TLN2: variants seen among roughly 807,000 people sequenced by gnomAD.
TLN2 encodes talin 2.
Under a neutral mutation model 294.7 loss-of-function variants are expected in TLN2, and 118 were observed. That is an observed-to-expected ratio of 0.40 (90% confidence interval 0.34 to 0.47). The LOEUF is 0.47. TLN2 is among the 20% of genes least tolerant of loss of function. TLN2 has a pLI of 0.84. For synonymous variants in TLN2, 1,431 were observed against 1,304.5 expected (o/e 1.10, Z -2.09); for missense variants, 3,083 against 3,282.2 (o/e 0.94, Z 1.48).
intron 16 of TLN2, among the ~76,000 whole-genome samples, chr15:62,700,334 A>T (rs2058638846): frequency 6.6e-6 from 1 of 152,230 alleles, no homozygotes. Flanking sequence ...CTGCAGGGTC[A>T]TCATTATCAA....
intron 9 of TLN2, among the ~76,000 whole-genome samples, chr15:62,669,185 C>A (rs182800779): frequency 1.3e-5 from 2 of 152,168 alleles, no homozygotes; most frequent in African/African-American, 2.4e-5. Context: ...TCATTTGATA[C>A]ATTTTACAAC....
At chr15:62,546,198 C>G (rs2041985873) in intron 1 of TLN2, among the ~76,000 whole-genome samples, 1 of 152,186 alleles carries the variant, frequency 6.6e-6, no homozygotes, top group Non-Finnish European at 1.5e-5. Flanking sequence ...GGGCTCTTTC[C>G]TGACCTGTTG....
In TLN2 at chr15:62,692,947, T is replaced by C. The variant is rs1595682757; in HGVS notation, c.1215+6T>C. 4 of 1,605,644 alleles carry C rather than the reference T, an allele frequency of 2.5e-6. No homozygotes were observed. The East Asian group carries it at 6.7e-5, about 27-fold the overall frequency. ...TTGACATCATCCTGAAAAAGGTATT[T>C]TGTATTGATGCAAATTGGAAAAGCA... On this transcript the variant is annotated splice_donor_region_variant and intron_variant, in intron 13 of 58. Coordinates refer to ENST00000636159, the MANE Select transcript of TLN2 (RefSeq NM_015059.3).
intron 1 of TLN2, among the ~76,000 whole-genome samples, chr15:62,514,865 T>A (rs185609798): frequency 8.5e-5 from 13 of 152,230 alleles, no homozygotes; most frequent in African/African-American, 3.1e-4. Context: ...AAATGAAAAC[T>A]TTCAACTTTC....
chr15:62,623,502 T>C (rs946952000), intron 3 of TLN2, among the ~76,000 whole-genome samples: 1 of 152,232 alleles, frequency 6.6e-6, no homozygotes. Flanking sequence ...GTTCACTCTG[T>C]GGTTCTTATA....
intron 33 of TLN2, 39 bp downstream of exon 33, chr15:62,748,483 G>T: frequency 6.8e-7 from 1 of 1,476,052 alleles, no homozygotes; most frequent in South Asian, 1.1e-5. Context: ...TTGAGAGAGG[G>T]AGTGTCTGTG....
chr15:62,636,236 TC>T (rs1325975119), intron 3 of TLN2, among the ~76,000 whole-genome samples: 1 of 141,570 alleles, frequency 7.1e-6, no homozygotes, highest in Non-Finnish European at 1.6e-5. Flanking sequence ...AAGTCTAAGA[TC>T]AGGGATACTG....
chr15:62,638,459 G>A, intron 3 of TLN2: 1 of 448,280 alleles, frequency 2.2e-6, no homozygotes, highest in Non-Finnish European at 4.5e-6. Context: ...AGAACTACCT[G>A]GCAATGGGAG....
chr15:62,771,415 A>G (rs1446515488), intron 42 of TLN2, among the ~76,000 whole-genome samples: 1 of 152,210 alleles, frequency 6.6e-6, no homozygotes, highest in Non-Finnish European at 1.5e-5. Context: ...GAAAACTGTA[A>G]TGCTTGCTGG....
chr15:62,431,783 T>C (rs2035024218), intron 1 of TLN2, among the ~76,000 whole-genome samples: 1 of 152,222 alleles, frequency 6.6e-6, no homozygotes, highest in Non-Finnish European at 1.5e-5. Flanking sequence ...AAAGGAAATT[T>C]CTAAAAATGG....
chr15:62,598,442 G>A (rs182822156), intron 2 of TLN2, among the ~76,000 whole-genome samples: 3 of 152,174 alleles, frequency 2.0e-5, no homozygotes, highest in Admixed American at 2.0e-4. Flanking sequence ...TGTGCCTTAT[G>A]GCCAGGAGCT....
chr15:62,794,091 T>C (rs916744177), intron 46 of TLN2, among the ~76,000 whole-genome samples: 2 of 152,042 alleles, frequency 1.3e-5, no homozygotes, highest in African/African-American at 2.4e-5. Flanking sequence ...AAAGGCCTTA[T>C]AGCGGGAGCA....
intron 2 of TLN2, among the ~76,000 whole-genome samples, chr15:62,612,511 A>G (rs1160240333): frequency 2.0e-5 from 3 of 152,112 alleles, no homozygotes; most frequent in African/African-American, 7.2e-5. Flanking sequence ...AAAACACAAC[A>G]CATTGCTGAC....
chr15:62,453,995 G>T (rs2036313828), intron 1 of TLN2, among the ~76,000 whole-genome samples: 1 of 152,132 alleles, frequency 6.6e-6, no homozygotes, highest in South Asian at 2.1e-4. Flanking sequence ...GCCAGTGGCT[G>T]ACCCCTGGCC....
chr15:62,813,927 G>A (rs976023285), intron 52 of TLN2, among the ~76,000 whole-genome samples: 4 of 151,752 alleles, frequency 2.6e-5, no homozygotes, highest in Admixed American at 2.6e-4. Context: ...TGATTCTCCT[G>A]CCTCAGCCTC....
intron 28 of TLN2, among the ~76,000 whole-genome samples, chr15:62,727,547 A>G (rs539498269): frequency 9.2e-5 from 14 of 152,364 alleles, no homozygotes; most frequent in Middle Eastern, 3.4e-3. Context: ...AATGTGTGAA[A>G]ATGGAAGGAG....
At chr15:62,621,586 G>A (rs1215225999) in intron 3 of TLN2, among the ~76,000 whole-genome samples, 5 of 152,150 alleles carry the variant, frequency 3.3e-5, no homozygotes, top group Admixed American at 2.0e-4. Context: ...AAACTCAATC[G>A]TGCAGCAGTG....
In TLN2 at chr15:62,766,427, T is replaced by C. The variant is rs764304422; in HGVS notation, c.5196+5T>C. 1 of 1,604,250 alleles carries C rather than the reference T, an allele frequency of 6.2e-7. No individual in the cohort carries two copies. The highest frequency in any genetic ancestry group is 8.5e-7 in the Non-Finnish European group (1 of 1,171,772). ...GCAGCTCAGCTGGGACATAAGGTAATGCACACCGAGGGGATCCTGCGAGGG... is the reference window on the plus strand; with the variant it reads ...GCAGCTCAGCTGGGACATAAGGTAACGCACACCGAGGGGATCCTGCGAGGG... On this transcript the variant is annotated splice_donor_5th_base_variant and intron_variant, in intron 41 of 58. Transcript: ENST00000636159.
At chr15:62,401,337 T>C (rs995354848) in intron 1 of TLN2, among the ~76,000 whole-genome samples, 1 of 152,226 alleles carries the variant, frequency 6.6e-6, no homozygotes. Context: ...TCACCCAGGC[T>C]GGAGTGCCAG....
Sources: allele counts gnomAD v4.1 joint callset (sites outside exome capture counted in the v4.1 genomes callset), GRCh38; gene constraint gnomAD v4.1.1; transcripts MANE v1.5; gene names NCBI Gene and HGNC (gene_info 2026-07-23, HGNC 2026-07-21).